Variants in ITSN2 observed in about 807,000 individuals in gnomAD.
ITSN2 encodes the protein intersectin-2.
In ITSN2, 156 loss-of-function variants were observed where a neutral mutation model predicts 243.7. That is an observed-to-expected ratio of 0.64 (90% CI 0.56 to 0.73). The LOEUF is 0.73. Ranked by LOEUF, ITSN2 falls within the 30% of genes least tolerant of loss-of-function variation. The pLI, the probability that ITSN2 is intolerant of heterozygous loss-of-function variation, is 0.00. For missense variants in ITSN2, 1,801 were observed against 1,996.1 expected, an observed-to-expected ratio of 0.90 and a Z score of 1.86; for synonymous variants, 703 against 699.9, an observed-to-expected ratio of 1.00 and a Z score of -0.07.
At chr2:24,310,005 G>T (rs1295824923) in intron 7 of ITSN2, among the ~76,000 whole-genome samples, 1 of 151,932 alleles carries the variant, frequency 6.6e-6, no homozygotes, top group African/African-American at 2.4e-5. Context: ...TTTTTTAAAG[G>T]AAAAGTACAC....
At position 24,296,762 on chromosome 2, in the gene ITSN2, C is replaced by G. The variant is rs562470086; in HGVS notation, c.1495-958G>C. ...TTACAGCAGCCCTACCAAACTAATACAGTGGAGTGAGGGGAAATGACATCC... is the reference window on the plus strand; with the variant it reads ...TTACAGCAGCCCTACCAAACTAATAGAGTGGAGTGAGGGGAAATGACATCC... On this transcript the variant is annotated intron_variant, in intron 13 of 39. Transcript: ENST00000355123. Among the ~76,000 whole-genome samples, 7 of 152,288 alleles carry G rather than the reference C, an allele frequency of 4.6e-5. No homozygotes were observed. The South Asian group carries it at 1.5e-3, about 32-fold the overall frequency.
At chr2:24,310,445 T>A (rs1683113932) in intron 6 of ITSN2, 44 bp downstream of exon 6, 1 of 1,609,222 alleles carries the variant, frequency 6.2e-7, no homozygotes, top group East Asian at 2.2e-5. Flanking sequence ...AAATAGTTTC[T>A]TTCTTTACAT....
intron 35 of ITSN2, among the ~76,000 whole-genome samples, 182 bp from the exon 36 acceptor site, chr2:24,209,403 A>G (rs1466420332): frequency 1.3e-5 from 2 of 152,198 alleles, no homozygotes; most frequent in African/African-American, 2.4e-5. Flanking sequence ...TGAAGCCTCC[A>G]TTTCTGGAAA....
intron 1 of ITSN2, among the ~76,000 whole-genome samples, chr2:24,356,360 AAAG>A (rs1688448071): frequency 6.6e-6 from 1 of 151,484 alleles, no homozygotes; most frequent in African/African-American, 2.4e-5. Context: ...AAAAAAAAAA[AAAG>A]AAAGAAAAAA....
intron 20 of ITSN2, among the ~76,000 whole-genome samples, chr2:24,263,181 T>C (rs1482332155): frequency 6.6e-6 from 1 of 152,098 alleles, no homozygotes; most frequent in Non-Finnish European, 1.5e-5. Flanking sequence ...TACAGATAAA[T>C]TATTTATATG....
rs1678864871 is a variant in ITSN2 at position 24,282,143 on chromosome 2, C to T, written c.1944+2620G>A. Among the ~76,000 whole-genome samples the T allele has an allele frequency of 1.3e-5, 2 of 152,228 alleles. 1 individual carries two copies. Among genetic ancestry groups the T allele is most frequent in the South Asian group, 4.1e-4 (2 of 4,834 alleles). On this transcript the variant is annotated intron_variant, in intron 17 of 39. Coordinates refer to ENST00000355123, the MANE Select transcript of ITSN2 (RefSeq NM_006277.3). The stretch of plus-strand genomic sequence containing the variant: ...CCACCCTGGCCTGCCACGCCACCAT[C>T]CTGTGCCTACAAAAACCCGAGATCC...
intron 4 of ITSN2, 38 bp downstream of exon 4, chr2:24,313,422 A>G (rs1216445961): frequency 1.3e-6 from 2 of 1,555,698 alleles, no homozygotes; most frequent in Admixed American, 1.8e-5. Flanking sequence ...AAAACAAAAT[A>G]CTATCAGAAA....
At chr2:24,309,750 C>T (rs980994599) in intron 7 of ITSN2, among the ~76,000 whole-genome samples, 3 of 152,116 alleles carry the variant, frequency 2.0e-5, no homozygotes, top group African/African-American at 7.2e-5. Context: ...TAAGAAAAAA[C>T]AAGGCCACAG....
At chr2:24,356,201 T>TC (rs1553402722) in intron 1 of ITSN2, among the ~76,000 whole-genome samples, 1 of 13,756 alleles carries the variant, frequency 7.3e-5, no homozygotes, top group South Asian at 1.9e-3. Flanking sequence ...AGACTCCATC[T>TC]CAAAAAAAAA....
Position 24,310,668 on chromosome 2 carries a change from G to C in ITSN2, c.377C>G (p.Ser126Cys). The change falls in exon 6 of 40, where the codon TCC (serine) becomes TGC (cysteine). Residue 126 changes from serine to cysteine, a missense_variant. This residue lies in a region of ITSN2 where 787 missense variants were observed against 803.9 expected (regional missense o/e 0.98). Transcript: ENST00000355123. ...RFGMGSMPNL[S>C]IPQPLPPAAP... is the part of the protein sequence containing the mutation. ...AGCTGGAGGCAATGGCTGAGGAATG[G>C]ACAGATTGGGCATGCTTCCCATTCC... 3 of 1,614,108 alleles carry C rather than the reference G, an allele frequency of 1.9e-6. No homozygotes were observed. Among genetic ancestry groups the C allele is most frequent in the Non-Finnish European group, 2.5e-6 (3 of 1,179,990 alleles).
chr2:24,226,829 T>C (rs1365620290), intron 29 of ITSN2, among the ~76,000 whole-genome samples: 1 of 152,200 alleles, frequency 6.6e-6, no homozygotes, highest in African/African-American at 2.4e-5. Flanking sequence ...AATTACACAT[T>C]TAACATTATT....
intron 17 of ITSN2, among the ~76,000 whole-genome samples, chr2:24,280,589 G>A (rs1188699465): frequency 6.6e-6 from 1 of 152,092 alleles, no homozygotes; most frequent in Non-Finnish European, 1.5e-5. Context: ...TCCTCTCTCA[G>A]TTTATTATCA....
intron 20 of ITSN2, among the ~76,000 whole-genome samples, chr2:24,263,094 C>CA (rs1676120618): frequency 6.6e-6 from 1 of 152,116 alleles, no homozygotes; most frequent in Admixed American, 6.5e-5. Context: ...ACATAACTGT[C>CA]ATAATTAGCA....
intron 12 of ITSN2, among the ~76,000 whole-genome samples, chr2:24,299,519 A>G (rs1681459061): frequency 6.6e-6 from 1 of 152,102 alleles, no homozygotes; most frequent in Non-Finnish European, 1.5e-5. Flanking sequence ...AGAGACTTTC[A>G]ATGCCCAGCT....
intron 7 of ITSN2, among the ~76,000 whole-genome samples, chr2:24,309,919 T>C (rs1683043950): frequency 6.6e-6 from 1 of 152,210 alleles, no homozygotes; most frequent in South Asian, 2.1e-4. Flanking sequence ...TTAAAAGATA[T>C]CCAATTAGTA....
intron 1 of ITSN2, among the ~76,000 whole-genome samples, chr2:24,339,813 G>A (rs924121473): frequency 1.3e-5 from 2 of 152,212 alleles, no homozygotes; most frequent in Middle Eastern, 3.4e-3. Context: ...GATCACTTGA[G>A]CCTAGGAGCT....
At chr2:24,250,843 G>T (rs1353907005) in intron 25 of ITSN2, among the ~76,000 whole-genome samples, 1 of 151,902 alleles carries the variant, frequency 6.6e-6, no homozygotes, top group Non-Finnish European at 1.5e-5. Flanking sequence ...AAAAAAAAAT[G>T]TCACCGACTG....
chr2:24,239,242 A>C (rs1200723941), intron 29 of ITSN2: 1 of 152,524 alleles, frequency 6.6e-6, no homozygotes, highest in Non-Finnish European at 1.5e-5. Flanking sequence ...AGTCATTCTA[A>C]GAAAACCTGG....
At chr2:24,236,869 T>A (rs1274119600) in intron 29 of ITSN2, among the ~76,000 whole-genome samples, 2 of 146,978 alleles carry the variant, frequency 1.4e-5, no homozygotes, top group Non-Finnish European at 3.0e-5. Context: ...TTATTTTTTA[T>A]TTTTTTTTGT....
Sources: allele counts gnomAD v4.1 joint callset (sites outside exome capture counted in the v4.1 genomes callset), GRCh38; gene constraint gnomAD v4.1.1; regional missense constraint gnomAD v4.1.1; transcripts MANE v1.5; gene names NCBI Gene and HGNC (gene_info 2026-07-23, HGNC 2026-07-21).